Variants in ST6GALNAC3 observed in about 807,000 individuals in gnomAD.
The protein encoded by ST6GALNAC3 is ST6 N-acetylgalactosaminide alpha-2,6-sialyltransferase 3, also known as alpha-N-acetylgalactosaminide alpha-2,6-sialyltransferase 3.
ST6GALNAC3 carries 25 observed loss-of-function variants against 32.7 expected under a neutral mutation model. The ratio of observed to expected loss-of-function variants is 0.76; its 90% CI spans 0.56 to 1.07. ST6GALNAC3 has a LOEUF of 1.07. Among genes scored for constraint, ST6GALNAC3 ranks in the 50% least tolerant of loss-of-function variants. The pLI is 0.00. For synonymous variants in ST6GALNAC3, 129 were observed against 133.1 expected (o/e 0.97, Z 0.21); for missense variants, 355 against 382.4 (o/e 0.93, Z 0.60).
At chr1:76,106,079 GACA>G (rs1216422672) in intron 1 of ST6GALNAC3, among the ~76,000 whole-genome samples, 37 of 152,300 alleles carry the variant, frequency 2.4e-4, no homozygotes, top group African/African-American at 8.4e-4. Flanking sequence ...TCTGTCAAAT[GACA>G]ACAAGAATGC....
At position 76,215,510 on chromosome 1, in the gene ST6GALNAC3, G is replaced by A. The variant is rs558465310; in HGVS notation, c.19-98295G>A. 2.0e-5 allele frequency among the ~76,000 whole-genome samples: 3 copies of A among 152,292 alleles called. No individual in the cohort carries two copies. In the East Asian group the frequency reaches 5.8e-4, roughly 29 times the overall value. ...TTCATGCCCCTCCCCTGCCCCGGGT[G>A]ATCCTAATTTGAGAACCACTGGTTT... is the stretch of plus-strand genomic sequence containing the variant. On this transcript the variant is annotated intron_variant, in intron 1 of 4. Coordinates refer to ENST00000328299, the MANE Select transcript of ST6GALNAC3 (RefSeq NM_152996.4).
At chr1:76,257,586 T>C (rs1405029282) in intron 1 of ST6GALNAC3, among the ~76,000 whole-genome samples, 2 of 152,158 alleles carry the variant, frequency 1.3e-5, no homozygotes, top group African/African-American at 4.8e-5. Flanking sequence ...CGTTCAGTAA[T>C]AGTAGCTTCT....
intron 2 of ST6GALNAC3, among the ~76,000 whole-genome samples, chr1:76,355,430 G>A (rs1649358640): frequency 6.6e-6 from 1 of 151,882 alleles, no homozygotes; most frequent in Non-Finnish European, 1.5e-5. Flanking sequence ...ACTTCCCTTT[G>A]TGATAAAGAG....
chr1:76,501,687 G>C (rs957934859), intron 3 of ST6GALNAC3, among the ~76,000 whole-genome samples: 1 of 152,188 alleles, frequency 6.6e-6, no homozygotes, highest in African/African-American at 2.4e-5. Context: ...AAGGAAGAAC[G>C]AGGAACAAAG....
At chr1:76,276,688 A>T (rs1362201165) in intron 1 of ST6GALNAC3, among the ~76,000 whole-genome samples, 1 of 152,206 alleles carries the variant, frequency 6.6e-6, no homozygotes, top group Non-Finnish European at 1.5e-5. Flanking sequence ...ATATATAAGA[A>T]TGGCATTGCC....
chr1:76,428,832 T>C (rs1025859271), intron 3 of ST6GALNAC3, among the ~76,000 whole-genome samples: 6 of 152,158 alleles, frequency 3.9e-5, no homozygotes, highest in African/African-American at 1.4e-4. Flanking sequence ...TTAACAACAT[T>C]TCTGCACTTC....
At chr1:76,608,763 C>T (rs553427323) in intron 3 of ST6GALNAC3, among the ~76,000 whole-genome samples, 1 of 152,184 alleles carries the variant, frequency 6.6e-6, no homozygotes, top group East Asian at 1.9e-4. Flanking sequence ...ACGTTTTCCC[C>T]TCACTTCGTC....
intron 1 of ST6GALNAC3, among the ~76,000 whole-genome samples, chr1:76,201,674 G>T (rs1378005321): frequency 1.3e-5 from 2 of 152,100 alleles, no homozygotes; most frequent in African/African-American, 2.4e-5. Context: ...TCAAAGACTG[G>T]AATAAACTAC....
chr1:76,321,228 C>G (rs1248286416), intron 2 of ST6GALNAC3, among the ~76,000 whole-genome samples: 1 of 152,084 alleles, frequency 6.6e-6, no homozygotes, highest in Non-Finnish European at 1.5e-5. Flanking sequence ...GCAGGAAAGG[C>G]CCCCTTTTCT....
chr1:76,077,923 C>G (rs1161720957), intron 1 of ST6GALNAC3, among the ~76,000 whole-genome samples: 2 of 152,096 alleles, frequency 1.3e-5, no homozygotes, highest in African/African-American at 4.8e-5. Context: ...TCTCAAATGG[C>G]TTATGGTTTA....
intron 3 of ST6GALNAC3, among the ~76,000 whole-genome samples, chr1:76,546,673 T>C (rs1159325648): frequency 6.6e-6 from 1 of 152,110 alleles, no homozygotes; most frequent in Non-Finnish European, 1.5e-5. Flanking sequence ...AGATGCCAGA[T>C]CTCAGTGATG....
intron 1 of ST6GALNAC3, among the ~76,000 whole-genome samples, chr1:76,218,852 C>A (rs1452986747): frequency 1.7e-4 from 26 of 152,266 alleles, no homozygotes; most frequent in Non-Finnish European, 1.5e-5. Context: ...ACTTTTATTG[C>A]CATCATTTGT....
chr1:76,437,593 T>G (rs889541739), intron 3 of ST6GALNAC3, among the ~76,000 whole-genome samples: 1 of 143,716 alleles, frequency 7.0e-6, no homozygotes, highest in Non-Finnish European at 1.6e-5. Flanking sequence ...TTTTTTTTTT[T>G]TTTGAGACGG....
At chr1:76,076,534 C>G (rs778308079) in intron 1 of ST6GALNAC3, among the ~76,000 whole-genome samples, 2 of 152,102 alleles carry the variant, frequency 1.3e-5, no homozygotes, top group Non-Finnish European at 2.9e-5. Context: ...TTAGTTTCTT[C>G]AATATAAGAT....
intron 1 of ST6GALNAC3, among the ~76,000 whole-genome samples, chr1:76,135,697 G>A (rs1649901113): frequency 6.6e-6 from 1 of 152,174 alleles, no homozygotes; most frequent in Non-Finnish European, 1.5e-5. Flanking sequence ...CCATAGTGGA[G>A]CTACCTGTCA....
At chr1:76,155,433 A>C (rs1570229694) in intron 1 of ST6GALNAC3, among the ~76,000 whole-genome samples, 1 of 152,128 alleles carries the variant, frequency 6.6e-6, no homozygotes, top group East Asian at 1.9e-4. Flanking sequence ...AAAACTATGA[A>C]TATAGCAAGA....
At chr1:76,104,483 C>G (rs1321380906) in intron 1 of ST6GALNAC3, among the ~76,000 whole-genome samples, 1 of 152,132 alleles carries the variant, frequency 6.6e-6, no homozygotes, top group Non-Finnish European at 1.5e-5. Context: ...GTTCCCCCAT[C>G]CTTAGCAGGA....
At chr1:76,499,434 C>G (rs1177650835) in intron 3 of ST6GALNAC3, among the ~76,000 whole-genome samples, 1 of 152,162 alleles carries the variant, frequency 6.6e-6, no homozygotes, top group African/African-American at 2.4e-5. Flanking sequence ...AAGGCTTCCT[C>G]TCTAATCACC....
At position 76,166,230 on chromosome 1, in the gene ST6GALNAC3, C is replaced by T. The variant is rs537257787; in HGVS notation, c.18+91346C>T. Among the ~76,000 whole-genome samples, 11 of 152,212 alleles carry T rather than the reference C, an allele frequency of 7.2e-5. No individual in the cohort carries two copies. The South Asian group carries it at 2.3e-3, about 32-fold the overall frequency. On this transcript the variant is annotated intron_variant, in intron 1 of 4. Transcript: ENST00000328299. ...TTTAAGTATTCTGCTTGTGGCTAGC[C>T]AATTATCCCAGAACAACTTACTGAA...
Sources: gnomAD v4.1 joint callset for allele counts (sites outside exome capture counted in the v4.1 genomes callset) on GRCh38, gnomAD v4.1.1 for gene constraint, MANE v1.5 for transcripts, NCBI Gene and HGNC (gene_info 2026-07-23, HGNC 2026-07-21) for gene names.